The following PRSS55 variants were observed in gnomAD, a reference collection of about 807,000 sequenced individuals.
PRSS55 encodes probable serine protease UNQ9391/PRO34284.
PRSS55 carries 41 observed loss-of-function variants against 23.6 expected under a neutral mutation model. That is an observed-to-expected ratio of 1.74 (90% confidence interval 1.35 to 2.26). PRSS55 has a LOEUF of 2.26. Ranked by LOEUF, PRSS55 falls within the 30% of genes most tolerant of loss-of-function variation. The probability of loss-of-function intolerance (pLI) is 0.00; values close to 1 mark genes in which losing one functional copy is unlikely to be tolerated. For synonymous variants in PRSS55, 262 were observed against 175.5 expected, an observed-to-expected ratio of 1.49 and a Z score of -3.90; for missense variants, 669 against 439.1, an observed-to-expected ratio of 1.52 and a Z score of -4.68.
Position 10,525,733 on chromosome 8 carries a change from G to C in PRSS55, c.148G>C (p.Val50Leu). The change falls in exon 1 of 5, where the codon GTC becomes CTC. Residue 50 changes from valine to leucine, a missense_variant. Transcript: ENST00000328655. Reference protein sequence around the residue: ...RPQPPHPPSPVSECGDRSIFE... With the variant: ...RPQPPHPPSPLSECGDRSIFE... ...TCAGCCCCCTCATCCCCCCAGCCCA[G>C]TCAGTGGTGAGTACAGGGGCAGAAG... 6.2e-7 allele frequency: 1 copy of C among 1,605,620 alleles called. No individual in the cohort carries two copies. Among genetic ancestry groups the C allele is most frequent in the Non-Finnish European group, 8.5e-7 (1 of 1,176,150 alleles).
At position 10,543,918 on chromosome 8, in the gene PRSS55, T is replaced by C. The variant is rs555604069; in HGVS notation, c.742-10025T>C. On this transcript the variant is annotated intron_variant, in intron 4 of 4. Coordinates refer to the PRSS55 transcript ENST00000522210. ...GTATTATTTCAATCCTTTTAAAAATTTGAGAATTGCTTTATGGCTTAGAAT... is the reference window on the plus strand; with the variant it reads ...GTATTATTTCAATCCTTTTAAAAATCTGAGAATTGCTTTATGGCTTAGAAT... Among the ~76,000 whole-genome samples, 4 of 152,212 alleles carry C rather than the reference T, an allele frequency of 2.6e-5. 1 individual carries two copies. The highest frequency in any genetic ancestry group is 9.6e-5 in the African/African-American group (4 of 41,468).
At chr8:10,533,759 A>C (rs1332659292) in intron 4 of PRSS55, among the ~76,000 whole-genome samples, 2 of 152,198 alleles carry the variant, frequency 1.3e-5, no homozygotes, top group Non-Finnish European at 2.9e-5. Flanking sequence ...GGACCTGCTC[A>C]TTGGCCAGGC....
intron 1 of PRSS55, among the ~76,000 whole-genome samples, chr8:10,527,730 G>A (rs1054433782): frequency 6.6e-6 from 1 of 152,186 alleles, no homozygotes; most frequent in African/African-American, 2.4e-5. Flanking sequence ...TGTGACGCTG[G>A]GCAAACTACT....
At chr8:10,536,241 A>G (rs1242802060) in intron 4 of PRSS55, among the ~76,000 whole-genome samples, 2 of 152,196 alleles carry the variant, frequency 1.3e-5, no homozygotes, top group East Asian at 3.9e-4. Context: ...CATGCAGCCA[A>G]CAAGCATATG....
At chr8:10,537,922 A>C (rs1812512644) in intron 4 of PRSS55, among the ~76,000 whole-genome samples, 2 of 152,154 alleles carry the variant, frequency 1.3e-5, no homozygotes, top group African/African-American at 4.8e-5. Flanking sequence ...TTGGTTCAGA[A>C]GCTCAACATA....
At chr8:10,539,427 G>A (rs138152920), downstream of PRSS55, among the ~76,000 whole-genome samples, 11 of 152,184 alleles carry the variant, frequency 7.2e-5, no homozygotes, top group East Asian at 5.8e-4. Context: ...CCATAAAAAC[G>A]AACGATGTGC....
At chr8:10,525,988 G>C (rs1812008951) in intron 1 of PRSS55, among the ~76,000 whole-genome samples, 1 of 152,184 alleles carries the variant, frequency 6.6e-6, no homozygotes. Context: ...CTCTTGCCTA[G>C]AACTAGCTGA....
chr8:10,545,429 C>T (rs889800166), intron 4 of PRSS55, among the ~76,000 whole-genome samples: 6 of 152,272 alleles, frequency 3.9e-5, no homozygotes, highest in Admixed American at 1.3e-4. Flanking sequence ...TTATTACAGT[C>T]AACCACATAA....
chr8:10,534,754 TAAG>T lies in PRSS55; in HGVS notation c.741+1711_741+1713del, dbSNP rs546367327. On this transcript the variant is annotated intron_variant, in intron 4 of 4. Transcript: ENST00000328655. Reference sequence around the variant, plus strand: ...GAAAAAGAAATGAAAGGCATCCAAATAAGAAGAGAAGATGTCAAACTATCCCTC... The same window carrying T: ...GAAAAAGAAATGAAAGGCATCCAAATAAGAGAAGATGTCAAACTATCCCTC... 5.9e-5 allele frequency among the ~76,000 whole-genome samples: 9 copies of T among 152,272 alleles called. No individual in the cohort carries two copies. In the South Asian group the frequency reaches 1.9e-3, roughly 32 times the overall value.
In PRSS55 at chr8:10,538,810, A is replaced by G. The variant is rs201883276; in HGVS notation, c.*17A>G. The G allele has an allele frequency of 6.5e-7, 1 of 1,532,878 alleles. No individual in the cohort carries two copies. Among genetic ancestry groups the G allele is most frequent in the Non-Finnish European group, 8.8e-7 (1 of 1,142,130 alleles). The allele number at this position is 1,532,878 out of a possible 1,614,324, so 95.0% of individuals were successfully genotyped here. A position where few individuals can be genotyped will look rare whatever the true frequency, so the allele number is the denominator to read the frequency against. On this transcript the variant is annotated 3_prime_UTR_variant, in exon 5 of 5. Coordinates refer to ENST00000328655, the MANE Select transcript of PRSS55 (RefSeq NM_198464.4). ...TTGTACTGATAATAAAATAGAGGCTATTCTTTCAACCGAGGGAGGGTGCAT... is the reference window on the plus strand; with the variant it reads ...TTGTACTGATAATAAAATAGAGGCTGTTCTTTCAACCGAGGGAGGGTGCAT...
At chr8:10,526,732 G>C (rs776682170) in intron 1 of PRSS55, among the ~76,000 whole-genome samples, 9 of 152,218 alleles carry the variant, frequency 5.9e-5, no homozygotes, top group Non-Finnish European at 1.2e-4. Context: ...ACTTCTGCCA[G>C]TTCATTCTGG....
At chr8:10,542,777 G>A (rs558981012), downstream of PRSS55, among the ~76,000 whole-genome samples, 19 of 150,100 alleles carry the variant, frequency 1.3e-4, no homozygotes, top group Admixed American at 3.4e-4. Context: ...AGAGGCTAAG[G>A]CAGGAGAATC....
At chr8:10,527,331 T>G (rs1812065611) in intron 1 of PRSS55, among the ~76,000 whole-genome samples, 1 of 152,246 alleles carries the variant, frequency 6.6e-6, no homozygotes, top group Non-Finnish European at 1.5e-5. Context: ...TGCACACATG[T>G]GCTGCCTTCC....
chr8:10,532,035 C>A (rs893202947), intron 3 of PRSS55, among the ~76,000 whole-genome samples: 2 of 152,004 alleles, frequency 1.3e-5, no homozygotes, highest in East Asian at 3.9e-4. Context: ...AAAAATATGA[C>A]GAAGGGCCCG....
chr8:10,539,380 C>T (rs12334786), downstream of PRSS55, among the ~76,000 whole-genome samples: 1 of 152,236 alleles, frequency 6.6e-6, no homozygotes, highest in African/African-American at 2.4e-5. Flanking sequence ...CCACGCTGCC[C>T]AGGCAGCCTT....
At chr8:10,539,687 C>G (rs1026735933), downstream of PRSS55, among the ~76,000 whole-genome samples, 1 of 152,160 alleles carries the variant, frequency 6.6e-6, no homozygotes, top group Non-Finnish European at 1.5e-5. Flanking sequence ...TAAGAGGTTT[C>G]CCTTTTCGCT....
downstream of PRSS55, among the ~76,000 whole-genome samples, chr8:10,542,270 A>C (rs1585888641): frequency 2.0e-5 from 3 of 152,306 alleles, no homozygotes; most frequent in South Asian, 4.1e-4. Flanking sequence ...GGGACAAAAC[A>C]GACACACAGA....
Position 10,525,623 on chromosome 8 carries a change from T to C in PRSS55, c.38T>C (p.Val13Ala). 1 of 1,614,126 alleles carries C rather than the reference T, an allele frequency of 6.2e-7. No homozygotes were observed. The highest frequency in any genetic ancestry group is 8.5e-7 in the Non-Finnish European group (1 of 1,180,000). ...LFSVLLLLSL[V>A]TGTQLGPRTP... ...TCAGTGTTGCTGCTCCTGTCCCTGG[T>C]CACGGGAACTCAGCTCGGTCCACGG... The change falls in exon 1 of 5, where the codon GTC (valine) becomes GCC (alanine). Residue 13 changes from valine (V) to alanine (A), a missense_variant. Coordinates refer to ENST00000328655, the MANE Select transcript of PRSS55 (RefSeq NM_198464.4).
At chr8:10,526,029 C>G (rs1247190921) in intron 1 of PRSS55, among the ~76,000 whole-genome samples, 2 of 152,194 alleles carry the variant, frequency 1.3e-5, no homozygotes. Context: ...AGGGGGACCA[C>G]TACCCTGGGC....
Sources: gnomAD v4.1 joint callset for allele counts (sites outside exome capture counted in the v4.1 genomes callset) on GRCh38, gnomAD v4.1.1 for gene constraint, MANE v1.5 for transcripts, NCBI Gene and HGNC (gene_info 2026-07-23, HGNC 2026-07-21) for gene names.